Variants in ROBO2 observed in about 807,000 individuals in gnomAD.
The protein encoded by ROBO2 is roundabout guidance receptor 2.
Under a neutral mutation model 160.8 loss-of-function variants are expected in ROBO2, and 53 were observed. The ratio of observed to expected loss-of-function variants is 0.33; its 90% CI spans 0.26 to 0.41. The LOEUF (loss-of-function observed/expected upper bound fraction) is 0.41, where lower values mean the gene tolerates loss of function less well. ROBO2 is among the 10% of genes least tolerant of loss of function. The pLI, the probability that ROBO2 is intolerant of heterozygous loss-of-function variation, is 1.00. For missense variants in ROBO2, 1,577 were observed against 1,722.4 expected, an observed-to-expected ratio of 0.92 and a Z score of 1.49; for synonymous variants, 664 against 611.7, an observed-to-expected ratio of 1.09 and a Z score of -1.26.
chr3:77,419,817 C>A (rs2077555897), intron 2 of ROBO2, among the ~76,000 whole-genome samples: 1 of 152,058 alleles, frequency 6.6e-6, no homozygotes, highest in Admixed American at 6.6e-5. Context: ...GAATTTATTT[C>A]TAAGCTAGAA....
chr3:77,230,242 C>T (rs151212825), intron 2 of ROBO2, among the ~76,000 whole-genome samples: 2 of 152,214 alleles, frequency 1.3e-5, no homozygotes, highest in East Asian at 3.9e-4. Flanking sequence ...CATGCACCAC[C>T]TGGCTAATTT....
intron 2 of ROBO2, among the ~76,000 whole-genome samples, chr3:77,282,975 T>A (rs1262694052): frequency 1.6e-4 from 21 of 134,094 alleles, no homozygotes; most frequent in Non-Finnish European, 3.3e-4. Context: ...AAAAAAAAAA[T>A]ATTTGCTGAT....
At chr3:77,420,301 C>A (rs2077600017) in intron 2 of ROBO2, among the ~76,000 whole-genome samples, 1 of 151,436 alleles carries the variant, frequency 6.6e-6, no homozygotes, top group South Asian at 2.1e-4. Context: ...AAAGCCATGA[C>A]CTATTTGTAA....
intron 2 of ROBO2, among the ~76,000 whole-genome samples, chr3:77,322,932 A>T (rs1450854345): frequency 8.3e-6 from 1 of 120,506 alleles, no homozygotes; most frequent in African/African-American, 3.4e-5. Context: ...ATTATGGATA[A>T]TATAATATAT....
chr3:76,195,038 A>G (rs545947039), intron 2 of ROBO2, among the ~76,000 whole-genome samples: 1 of 152,304 alleles, frequency 6.6e-6, no homozygotes, highest in South Asian at 2.1e-4. Context: ...CCTCCCAAAA[A>G]GGGCACCATG....
chr3:77,196,325 CT>C (rs57448784), intron 2 of ROBO2, among the ~76,000 whole-genome samples: 19,655 of 141,624 alleles, frequency 0.14, 2,420 homozygotes, highest in African/African-American at 0.33. Context: ...AAATACCCTG[CT>C]TTTTTTTTTT....
chr3:76,495,451 T>C (rs1291530622), intron 2 of ROBO2, among the ~76,000 whole-genome samples: 1 of 152,128 alleles, frequency 6.6e-6, no homozygotes, highest in East Asian at 1.9e-4. Context: ...CTTCAGTGTC[T>C]TACCACTGAA....
At chr3:76,452,181 TTTA>T (rs917456134) in intron 2 of ROBO2, among the ~76,000 whole-genome samples, 3 of 152,112 alleles carry the variant, frequency 2.0e-5, no homozygotes, top group Non-Finnish European at 4.4e-5. Context: ...ATTTTTTTAT[TTTA>T]TTATTATTAT....
At chr3:77,316,309 C>A (rs1276003638) in intron 2 of ROBO2, among the ~76,000 whole-genome samples, 1 of 151,648 alleles carries the variant, frequency 6.6e-6, no homozygotes, top group East Asian at 1.9e-4. Context: ...GGGAACAGGT[C>A]ATGAAGATCT....
chr3:75,986,469 G>C (rs915265739), intron 2 of ROBO2, among the ~76,000 whole-genome samples: 2 of 150,250 alleles, frequency 1.3e-5, no homozygotes, highest in Admixed American at 1.3e-4. Context: ...AACATCATTT[G>C]CAAATTTTTT....
chr3:77,015,404 A>T (rs2149481981), intron 2 of ROBO2, among the ~76,000 whole-genome samples: 1 of 152,320 alleles, frequency 6.6e-6, no homozygotes, highest in African/African-American at 2.4e-5. Context: ...CTTGCCTTTG[A>T]TATTTTAAGA....
intron 2 of ROBO2, among the ~76,000 whole-genome samples, chr3:75,946,993 T>C (rs1948325308): frequency 6.6e-6 from 1 of 152,026 alleles, no homozygotes; most frequent in African/African-American, 2.4e-5. Flanking sequence ...GTGGTTGGGA[T>C]TATGATTGTA....
chr3:76,870,485 T>G (rs1353382350), intron 2 of ROBO2, among the ~76,000 whole-genome samples: 1 of 152,188 alleles, frequency 6.6e-6, no homozygotes, highest in South Asian at 2.1e-4. Context: ...TCCAGTTTTG[T>G]AGTAAGCCCA....
intron 2 of ROBO2, among the ~76,000 whole-genome samples, chr3:76,749,310 C>T (rs1282368459): frequency 6.6e-6 from 1 of 151,354 alleles, no homozygotes; most frequent in Non-Finnish European, 1.5e-5. Flanking sequence ...TACAATTGTA[C>T]CTTAAAGTCA....
At chr3:76,732,063 C>A (rs1298686313) in intron 2 of ROBO2, among the ~76,000 whole-genome samples, 1 of 151,944 alleles carries the variant, frequency 6.6e-6, no homozygotes, top group Non-Finnish European at 1.5e-5. Flanking sequence ...ATTTTAAATA[C>A]CATAATGAAA....
intron 2 of ROBO2, among the ~76,000 whole-genome samples, chr3:77,252,821 A>ATAT (rs1168712165): frequency 2.6e-5 from 1 of 38,668 alleles, no homozygotes; most frequent in East Asian, 3.7e-4. Context: ...AAAAAAAAAA[A>ATAT]AAAAAAAAAA....
intron 2 of ROBO2, among the ~76,000 whole-genome samples, chr3:76,353,367 T>A (rs1421291870): frequency 6.6e-6 from 1 of 151,952 alleles, no homozygotes; most frequent in Admixed American, 6.6e-5. Context: ...AAGGAGAAAC[T>A]TGAGAGAATT....
At chr3:76,473,984 T>C (rs2078802022) in intron 2 of ROBO2, among the ~76,000 whole-genome samples, 1 of 152,102 alleles carries the variant, frequency 6.6e-6, no homozygotes, top group Non-Finnish European at 1.5e-5. Context: ...ACTTGAAGCA[T>C]CTCATGTGTA....
rs2061027143 is a variant in ROBO2 at position 76,996,636 on chromosome 3, G to T, written c.110-101378G>T. On this transcript the variant is annotated intron_variant, in intron 2 of 26. Coordinates refer to the ROBO2 transcript ENST00000487694. ...ATCCTCTTTTTTTCATTGAGCAGTG[G>T]TTTTGTCCCATCAGCCATTTTAAAT... Among the ~76,000 whole-genome samples, 2 of 152,164 alleles carry T rather than the reference G, an allele frequency of 1.3e-5. 1 individual carries two copies. The highest frequency in any genetic ancestry group is 6.8e-3 in the Middle Eastern group (2 of 294).
Sources: allele counts gnomAD v4.1 joint callset (sites outside exome capture counted in the v4.1 genomes callset), GRCh38; gene constraint gnomAD v4.1.1; transcripts MANE v1.5; gene names NCBI Gene and HGNC (gene_info 2026-07-23, HGNC 2026-07-21).